NKAIN3: variants seen among roughly 807,000 people sequenced by gnomAD.
NKAIN3 encodes the protein sodium/potassium transporting ATPase interacting 3, also known as sodium/potassium-transporting ATPase subunit beta-1-interacting protein 3.
In NKAIN3, 25 loss-of-function variants were observed where a neutral mutation model predicts 30.2. The ratio of observed to expected loss-of-function variants is 0.83; its 90% CI spans 0.60 to 1.16. The LOEUF (loss-of-function observed/expected upper bound fraction) is 1.16. Ranked by LOEUF, NKAIN3 falls within the 50% of genes most tolerant of loss-of-function variation. The pLI is 0.00. For synonymous variants in NKAIN3, 91 were observed against 89.6 expected (o/e 1.02, Z -0.09); for missense variants, 225 against 254.1 (o/e 0.89, Z 0.78).
downstream of NKAIN3, among the ~76,000 whole-genome samples, chr8:62,987,636 C>A (rs1824230712): frequency 6.6e-6 from 1 of 151,994 alleles, no homozygotes; most frequent in African/African-American, 2.4e-5. Flanking sequence ...GACAGACCTC[C>A]CCCCCATGAT....
At chr8:62,566,151 C>A (rs1809744140) in intron 1 of NKAIN3, among the ~76,000 whole-genome samples, 1 of 151,966 alleles carries the variant, frequency 6.6e-6, no homozygotes, top group African/African-American at 2.4e-5. Flanking sequence ...ATTGTTCTGC[C>A]CCCACCTTTT....
chr8:62,782,369 T>TA (rs965185048), intron 4 of NKAIN3, among the ~76,000 whole-genome samples: 9 of 151,872 alleles, frequency 5.9e-5, no homozygotes, highest in African/African-American at 9.7e-5. Context: ...GTAGATTTCT[T>TA]AAAAAAACTA....
intron 4 of NKAIN3, among the ~76,000 whole-genome samples, chr8:62,762,384 G>A (rs1375981166): frequency 6.6e-6 from 1 of 151,908 alleles, no homozygotes; most frequent in Non-Finnish European, 1.5e-5. Context: ...TTGAATACTG[G>A]GGCTAAGAAT....
chr8:62,495,984 T>C (rs898135831), intron 1 of NKAIN3, among the ~76,000 whole-genome samples: 9 of 152,254 alleles, frequency 5.9e-5, no homozygotes, highest in African/African-American at 2.2e-4. Flanking sequence ...CCCACTGAAT[T>C]GGTCTAAGCA....
Position 62,980,356 on chromosome 8 carries a change from T to A in NKAIN3, c.*14949T>A, listed in dbSNP as rs1201140973. The A allele has an allele frequency of 6.6e-6, 1 of 152,204 alleles. No individual in the cohort carries two copies. Among genetic ancestry groups the A allele is most frequent in the East Asian group, 1.9e-4 (1 of 5,200 alleles). The allele number at this position is 152,204 out of a possible 1,614,324, so 9.4% of individuals were successfully genotyped here. A position where few individuals can be genotyped will look rare whatever the true frequency, so the allele number is the denominator to read the frequency against. ...CTGGTTTCTCAAATCTACTTTTAAC[T>A]TCAAATAGCAGGCATGCAATGTAGT... On this transcript the variant is annotated 3_prime_UTR_variant, in exon 7 of 7. Transcript: ENST00000623646.
At chr8:62,870,922 G>C (rs1820622635) in intron 4 of NKAIN3, among the ~76,000 whole-genome samples, 1 of 151,546 alleles carries the variant, frequency 6.6e-6, no homozygotes, top group South Asian at 2.1e-4. Flanking sequence ...AGTAGTTCGA[G>C]GGAAAAGTTT....
chr8:62,305,155 C>A (rs984733173), intron 1 of NKAIN3, among the ~76,000 whole-genome samples: 1 of 149,400 alleles, frequency 6.7e-6, no homozygotes, highest in Non-Finnish European at 1.5e-5. Flanking sequence ...TGTTACTCAC[C>A]ATTCATTATA....
intron 1 of NKAIN3, among the ~76,000 whole-genome samples, chr8:62,552,594 G>A (rs935928760): frequency 6.6e-6 from 1 of 152,180 alleles, no homozygotes; most frequent in African/African-American, 2.4e-5. Flanking sequence ...ATTGATGCCA[G>A]TTTTCCTGCT....
intron 1 of NKAIN3, among the ~76,000 whole-genome samples, chr8:62,539,615 G>A (rs751843504): frequency 3.9e-5 from 6 of 152,034 alleles, no homozygotes; most frequent in Non-Finnish European, 7.4e-5. Context: ...TTTTTGAGAC[G>A]GTCTTGCTCT....
chr8:62,416,700 T>A (rs76548819), intron 1 of NKAIN3, among the ~76,000 whole-genome samples: 21,092 of 152,080 alleles, frequency 0.14, 1,754 homozygotes, highest in East Asian at 0.41. Context: ...AAATGTAAAA[T>A]TAAATTATTA....
chr8:62,901,428 A>G (rs1821610492), intron 4 of NKAIN3, among the ~76,000 whole-genome samples: 2 of 152,222 alleles, frequency 1.3e-5, no homozygotes, highest in East Asian at 1.9e-4. Flanking sequence ...AACACAGCAA[A>G]ACACTCTATC....
chr8:62,256,744 G>A (rs1812273357), intron 1 of NKAIN3, among the ~76,000 whole-genome samples: 1 of 152,142 alleles, frequency 6.6e-6, no homozygotes, highest in Admixed American at 6.5e-5. Context: ...CTCCCTCACA[G>A]CCCCTCTTGA....
chr8:62,282,802 G>T (rs1383805372), intron 1 of NKAIN3, among the ~76,000 whole-genome samples: 1 of 152,072 alleles, frequency 6.6e-6, no homozygotes, highest in Non-Finnish European at 1.5e-5. Flanking sequence ...GTCCTTCTAG[G>T]CCTAAGGGCC....
At chr8:62,323,760 T>TA (rs1815020169) in intron 1 of NKAIN3, among the ~76,000 whole-genome samples, 1 of 152,068 alleles carries the variant, frequency 6.6e-6, no homozygotes, top group South Asian at 2.1e-4. Context: ...GACAATGAAA[T>TA]ATTATTGACC....
intron 1 of NKAIN3, among the ~76,000 whole-genome samples, chr8:62,484,683 C>G (rs964836862): frequency 3.3e-5 from 5 of 152,180 alleles, no homozygotes; most frequent in African/African-American, 9.6e-5. Flanking sequence ...AAGCAGAAAT[C>G]TATTCCTTTC....
downstream of NKAIN3, among the ~76,000 whole-genome samples, chr8:62,989,461 G>A (rs115425892): frequency 6.6e-6 from 1 of 152,102 alleles, no homozygotes; most frequent in African/African-American, 2.4e-5. Flanking sequence ...CTTGTGTAGG[G>A]TAACTCCCCC....
At position 62,456,303 on chromosome 8, in the gene NKAIN3, C is replaced by T. The variant is rs142705071; in HGVS notation, c.55-123236C>T. Among the ~76,000 whole-genome samples the T allele has an allele frequency of 3.2e-3, 484 of 152,108 alleles. 1 individual carries two copies. Among genetic ancestry groups the T allele is most frequent in the African/African-American group, 0.011 (464 of 41,506 alleles). On this transcript the variant is annotated intron_variant, in intron 1 of 6. Coordinates refer to ENST00000623646, the MANE Select transcript of NKAIN3 (RefSeq NM_001304533.3). The stretch of plus-strand genomic sequence containing the variant: ...TTGGGAGGCCGACGTGGGCGGATCA[C>T]GAGGTCAGGAGATCGAGACCATCTG...
chr8:62,777,570 A>G (rs189619921), intron 4 of NKAIN3, among the ~76,000 whole-genome samples: 1 of 152,192 alleles, frequency 6.6e-6, no homozygotes, highest in African/African-American at 2.4e-5. Flanking sequence ...TCTTTGTTAA[A>G]TTTATCTGAC....
At chr8:62,803,341 C>A (rs1818142277) in intron 4 of NKAIN3, among the ~76,000 whole-genome samples, 1 of 151,968 alleles carries the variant, frequency 6.6e-6, no homozygotes, top group Non-Finnish European at 1.5e-5. Context: ...ACACCTATTC[C>A]AAAATTGACC....
Sources: gnomAD v4.1 joint callset for allele counts (sites outside exome capture counted in the v4.1 genomes callset) on GRCh38, gnomAD v4.1.1 for gene constraint, MANE v1.5 for transcripts, NCBI Gene and HGNC (gene_info 2026-07-23, HGNC 2026-07-21) for gene names.